The following KIAA1958 variants were observed in gnomAD, a reference collection of about 807,000 sequenced individuals.
KIAA1958 encodes KIAA1958, also known as uncharacterized protein KIAA1958.
KIAA1958 carries 14 observed loss-of-function variants against 47.2 expected under a neutral mutation model. That is an observed-to-expected ratio of 0.30 (90% CI 0.20 to 0.46). KIAA1958 has a LOEUF of 0.46. KIAA1958 is among the 20% of genes least tolerant of loss of function. The pLI, the probability that KIAA1958 is intolerant of heterozygous loss-of-function variation, is 1.00. For synonymous variants in KIAA1958, 354 were observed against 353.3 expected (o/e 1.00, Z -0.02); for missense variants, 803 against 909.2 (o/e 0.88, Z 1.50).
chr9:112,525,506 T>G (rs1490506898), intron 1 of KIAA1958, among the ~76,000 whole-genome samples: 1 of 152,264 alleles, frequency 6.6e-6, no homozygotes, highest in Non-Finnish European at 1.5e-5. Flanking sequence ...GGAAGTAGAC[T>G]GATTCTGGGG....
At chr9:112,619,337 T>G (rs1836459882) in intron 2 of KIAA1958, 1 of 152,240 alleles carries the variant, frequency 6.6e-6, no homozygotes, top group African/African-American at 2.4e-5. Flanking sequence ...ATGGCTTTAT[T>G]TTTTTAATTT....
chr9:112,630,156 A>G (rs1836684127), intron 2 of KIAA1958, among the ~76,000 whole-genome samples: 1 of 152,186 alleles, frequency 6.6e-6, no homozygotes, highest in Non-Finnish European at 1.5e-5. Context: ...GGGTAGCAAC[A>G]ATCCTTTAGT....
intron 2 of KIAA1958, 58 bp downstream of exon 2, chr9:112,575,309 G>A (rs779175371): frequency 2.3e-4 from 274 of 1,210,280 alleles, no homozygotes; most frequent in Non-Finnish European, 2.1e-4. Context: ...ATTCTGCGCC[G>A]TCAGCACTTC....
chr9:112,526,426 G>A (rs1034610719), intron 1 of KIAA1958, among the ~76,000 whole-genome samples: 2 of 151,832 alleles, frequency 1.3e-5, no homozygotes, highest in African/African-American at 4.8e-5. Context: ...GCTAATTTTT[G>A]TATTTTTAGT....
chr9:112,618,786 C>G lies in KIAA1958; in HGVS notation c.1172-26864C>G. The G allele has an allele frequency of 6.4e-7, 1 of 1,550,622 alleles. No homozygotes were observed. The highest frequency in any genetic ancestry group is 2.0e-5 in the Admixed American group (1 of 51,008). On this transcript the variant is annotated intron_variant, in intron 2 of 3. Coordinates refer to ENST00000337530, the MANE Select transcript of KIAA1958 (RefSeq NM_133465.4). The surrounding 1 kb of genome is among the most constrained non-coding windows in gnomAD (Gnocchi z 7.1). ...CAGAGCTGCAGCACCTTGTCTGAGG[C>G]CCAGAGCAACCAGCTCGTGCTGATC...
intron 2 of KIAA1958, among the ~76,000 whole-genome samples, chr9:112,583,113 A>T (rs1000653184): frequency 6.6e-6 from 1 of 152,168 alleles, no homozygotes; most frequent in Non-Finnish European, 1.5e-5. Context: ...CACTCTTCCT[A>T]TCTATGTGAG....
intron 3 of KIAA1958, among the ~76,000 whole-genome samples, chr9:112,659,019 CAAAAA>C (rs560013892): frequency 0.029 from 1,661 of 57,714 alleles, 8 homozygotes; most frequent in South Asian, 0.13. Context: ...GACTCTGACT[CAAAAA>C]AAAAAAAAAA....
chr9:112,617,258 C>A (rs1160038556), intron 2 of KIAA1958, among the ~76,000 whole-genome samples: 1 of 152,132 alleles, frequency 6.6e-6, no homozygotes, highest in Non-Finnish European at 1.5e-5. Context: ...CAAATATTTC[C>A]ATTCATCACT....
At chr9:112,630,420 G>A (rs1405244337) in intron 2 of KIAA1958, among the ~76,000 whole-genome samples, 2 of 152,174 alleles carry the variant, frequency 1.3e-5, no homozygotes, top group Non-Finnish European at 2.9e-5. Flanking sequence ...CAAGGCAGGA[G>A]GATCGCTTGA....
intron 2 of KIAA1958, among the ~76,000 whole-genome samples, chr9:112,591,015 A>G (rs1793104415): frequency 6.6e-6 from 1 of 152,200 alleles, no homozygotes; most frequent in Admixed American, 6.5e-5. Flanking sequence ...GGTGATAAGG[A>G]AAAGAAGGGC....
At chr9:112,583,375 C>T (rs1339290005) in intron 2 of KIAA1958, among the ~76,000 whole-genome samples, 1 of 152,136 alleles carries the variant, frequency 6.6e-6, no homozygotes, top group Non-Finnish European at 1.5e-5. Context: ...TGGGGACATG[C>T]TGGTGGAAAT....
rs1470197054 is a variant in KIAA1958, at chr9:112,534,645, G to A, written c.-24-39412G>A. 3.9e-5 allele frequency among the ~76,000 whole-genome samples: 6 copies of A among 151,926 alleles called. No homozygotes were observed. The South Asian group carries it at 6.2e-4, about 16-fold the overall frequency. On this transcript the variant is annotated intron_variant, in intron 1 of 3. Coordinates refer to ENST00000337530, the MANE Select transcript of KIAA1958 (RefSeq NM_133465.4). ...TGCAACCTCCGCCTCCCGGGTTCAA[G>A]CGATTCTCCTGCCTCACCCTCTTGA...
intron 3 of KIAA1958, among the ~76,000 whole-genome samples, chr9:112,655,791 G>C (rs912556402): frequency 3.3e-5 from 5 of 152,194 alleles, no homozygotes; most frequent in Non-Finnish European, 5.9e-5. Context: ...CCTGGAGCAT[G>C]GTGGCCTCAT....
chr9:112,629,435 TTA>T (rs2131227971), intron 2 of KIAA1958, among the ~76,000 whole-genome samples: 1 of 152,258 alleles, frequency 6.6e-6, no homozygotes, highest in African/African-American at 2.4e-5. Context: ...GCTGCTACAG[TTA>T]TAGTTTGTGA....
chr9:112,629,724 A>G (rs1836677019), intron 2 of KIAA1958, among the ~76,000 whole-genome samples: 1 of 152,184 alleles, frequency 6.6e-6, no homozygotes. Context: ...TTGTGTGTAT[A>G]ATGTTTGCCT....
At chr9:112,648,960 G>GT (rs748793671) in intron 3 of KIAA1958, among the ~76,000 whole-genome samples, 1 of 152,052 alleles carries the variant, frequency 6.6e-6, no homozygotes, top group Admixed American at 6.6e-5. Context: ...AACAGTTATT[G>GT]TAACTATATT....
chr9:112,590,350 CTTTTTTT>C (rs893352438), intron 2 of KIAA1958, among the ~76,000 whole-genome samples: 1 of 134,316 alleles, frequency 7.4e-6, no homozygotes, highest in African/African-American at 2.8e-5. Flanking sequence ...AGACACCCTT[CTTTTTTT>C]TTTTTTTTTT....
At chr9:112,627,511 TG>T (rs2131226022) in intron 2 of KIAA1958, among the ~76,000 whole-genome samples, 1 of 152,346 alleles carries the variant, frequency 6.6e-6, no homozygotes, top group Non-Finnish European at 1.5e-5. Flanking sequence ...CCCAGCACTT[TG>T]GGAGACTGAG....
chr9:112,575,135 C>G lies in KIAA1958; in HGVS notation c.1055C>G (p.Ser352Cys). The G allele has an allele frequency of 6.2e-7, 1 of 1,604,138 alleles. No individual in the cohort carries two copies. The highest frequency in any genetic ancestry group is 8.5e-7 in the Non-Finnish European group (1 of 1,179,900). ...TCCCATCTGCCCAGCCAGGTCTCCTCCTGTGAGGTAGCCCTTTCTCCCTCA... is the reference window on the plus strand; with the variant it reads ...TCCCATCTGCCCAGCCAGGTCTCCTGCTGTGAGGTAGCCCTTTCTCCCTCA... ...FLSHLPSQVS[S>C]CEVALSPSVN... The change falls in exon 2 of 4, where the codon TCC (serine) becomes TGC (cysteine). Residue 352 changes from serine to cysteine, a missense_variant. By Grantham distance (112) the Ser-to-Cys change is moderately radical. Around this residue, in one of 2 missense-constraint regions of KIAA1958, gnomAD observed 761 missense variants for 829.3 expected, o/e 0.92. Coordinates refer to ENST00000337530, the MANE Select transcript of KIAA1958 (RefSeq NM_133465.4).
Sources: gnomAD v4.1 joint callset for allele counts (sites outside exome capture counted in the v4.1 genomes callset) on GRCh38, gnomAD v4.1.1 for gene constraint, gnomAD v4.1.1 regional missense constraint, Gnocchi (gnomAD v3.1) non-coding constraint, MANE v1.5 for transcripts, NCBI Gene and HGNC (gene_info 2026-07-23, HGNC 2026-07-21) for gene names.